Variants in PRKN observed in about 807,000 individuals in gnomAD.
PRKN encodes the protein parkin RBR E3 ubiquitin protein ligase.
In PRKN, 56 loss-of-function variants were observed where a neutral mutation model predicts 59.5. That is an observed-to-expected ratio of 0.94 (90% CI 0.76 to 1.18). The LOEUF is 1.18. Ranked by LOEUF, PRKN falls within the 50% of genes most tolerant of loss-of-function variation. The probability of loss-of-function intolerance (pLI) is 0.00; values close to 1 mark genes in which losing one functional copy is unlikely to be tolerated. For synonymous variants in PRKN, 250 were observed against 222.1 expected, an observed-to-expected ratio of 1.13 and a Z score of -1.12; for missense variants, 657 against 596.4, an observed-to-expected ratio of 1.10 and a Z score of -1.06.
intron 5 of PRKN, among the ~76,000 whole-genome samples, chr6:161,999,852 A>C: frequency 6.6e-6 from 1 of 152,132 alleles, no homozygotes; most frequent in Non-Finnish European, 1.5e-5. Flanking sequence ...AATAATAGCA[A>C]TAACAATAAT....
At chr6:162,442,009 G>GA (rs5881476) in intron 2 of PRKN, among the ~76,000 whole-genome samples, 67,169 of 147,394 alleles carry the variant, frequency 0.46, 15,205 homozygotes, top group East Asian at 0.59. Flanking sequence ...GACTGAAATA[G>GA]AAAAAAAAAA....
intron 7 of PRKN, among the ~76,000 whole-genome samples, chr6:161,747,174 A>G (rs564801544): frequency 1.8e-4 from 28 of 152,296 alleles, no homozygotes; most frequent in Non-Finnish European, 3.4e-4. Context: ...TTTAAAAAAC[A>G]AGGCCCCTGT....
At chr6:162,192,338 G>A (rs1784314058) in intron 4 of PRKN, among the ~76,000 whole-genome samples, 1 of 149,688 alleles carries the variant, frequency 6.7e-6, no homozygotes, top group South Asian at 2.1e-4. Flanking sequence ...ATATGCATAT[G>A]TGAAATTAGA....
chr6:162,069,521 T>C (rs1456646240), intron 4 of PRKN, among the ~76,000 whole-genome samples: 1 of 152,186 alleles, frequency 6.6e-6, no homozygotes, highest in Non-Finnish European at 1.5e-5. Flanking sequence ...TTAGAATATG[T>C]TACACAAACA....
intron 2 of PRKN, among the ~76,000 whole-genome samples, chr6:162,339,354 C>CT (rs1784041266): frequency 1.4e-5 from 2 of 147,450 alleles, no homozygotes; most frequent in African/African-American, 5.0e-5. Flanking sequence ...GGGTCAGCCC[C>CT]CGCCCGGCCA....
chr6:161,796,168 T>A (rs1790840112), intron 6 of PRKN, among the ~76,000 whole-genome samples: 1 of 152,200 alleles, frequency 6.6e-6, no homozygotes, highest in African/African-American at 2.4e-5. Context: ...TTATTAATTT[T>A]CTCCAGATGA....
At chr6:162,713,733 A>G (rs1349742225) in intron 1 of PRKN, among the ~76,000 whole-genome samples, 1 of 152,134 alleles carries the variant, frequency 6.6e-6, no homozygotes, top group Non-Finnish European at 1.5e-5. Flanking sequence ...AGCTATACTT[A>G]TACTGTTTTG....
chr6:161,540,702 C>T (rs560109697), intron 9 of PRKN, among the ~76,000 whole-genome samples: 4 of 152,194 alleles, frequency 2.6e-5, no homozygotes, highest in Admixed American at 2.0e-4. Flanking sequence ...ACAAAATGTA[C>T]CACACAAAAG....
chr6:161,877,663 T>A (rs1794783412), intron 6 of PRKN, among the ~76,000 whole-genome samples: 1 of 151,744 alleles, frequency 6.6e-6, no homozygotes, highest in Non-Finnish European at 1.5e-5. Flanking sequence ...AGAGACAGGG[T>A]TACACCGTGT....
At chr6:162,131,159 G>A (rs1456640136) in intron 4 of PRKN, among the ~76,000 whole-genome samples, 1 of 152,052 alleles carries the variant, frequency 6.6e-6, no homozygotes, top group Admixed American at 6.6e-5. Flanking sequence ...TGCAGATTCA[G>A]CTTAATAATG....
At chr6:162,712,602 T>G (rs1327492489) in intron 1 of PRKN, among the ~76,000 whole-genome samples, 1 of 152,138 alleles carries the variant, frequency 6.6e-6, no homozygotes, top group Non-Finnish European at 1.5e-5. Flanking sequence ...CTTTTGCCAG[T>G]CTCCATGATA....
chr6:161,932,150 C>G (rs567168140), intron 6 of PRKN, among the ~76,000 whole-genome samples: 1 of 151,876 alleles, frequency 6.6e-6, no homozygotes, highest in South Asian at 2.1e-4. Flanking sequence ...AAAAAAATCT[C>G]AGTTAACATA....
intron 2 of PRKN, among the ~76,000 whole-genome samples, chr6:162,395,135 C>T (rs182847653): frequency 3.2e-4 from 49 of 152,284 alleles, no homozygotes; most frequent in Admixed American, 3.3e-4. Context: ...AGAAGTTACT[C>T]TGGGATAACT....
rs966452458 is a variant in PRKN at position 161,473,941 on chromosome 6, C to A, written c.1083+74913G>T. 2.6e-5 allele frequency among the ~76,000 whole-genome samples: 4 copies of A among 152,074 alleles called. No individual in the cohort carries two copies. The highest frequency in any genetic ancestry group is 3.4e-3 in the Middle Eastern group (1 of 294). On this transcript the variant is annotated intron_variant, in intron 9 of 11. Transcript: ENST00000366898. This position sits in a 1 kb window ranked among gnomAD's most constrained non-coding sequence, Gnocchi z 4.1. The stretch of plus-strand genomic sequence containing the variant: ...GGCATGACTTGTGTATGTAGACTAG[C>A]GGGTTTTCTAATATCAAATTTTATG...
At chr6:162,191,342 T>C (rs1291088940) in intron 4 of PRKN, among the ~76,000 whole-genome samples, 1 of 152,224 alleles carries the variant, frequency 6.6e-6, no homozygotes, top group African/African-American at 2.4e-5. Flanking sequence ...CATGCTTCGT[T>C]ACTATCACTG....
At chr6:161,962,675 T>A (rs1321286853) in intron 6 of PRKN, among the ~76,000 whole-genome samples, 1 of 151,976 alleles carries the variant, frequency 6.6e-6, no homozygotes, top group Non-Finnish European at 1.5e-5. Flanking sequence ...TAGCTGGGAT[T>A]ACAGGTGCAC....
chr6:161,814,541 T>C (rs111614766), intron 6 of PRKN, among the ~76,000 whole-genome samples: 4 of 152,264 alleles, frequency 2.6e-5, no homozygotes, highest in African/African-American at 9.6e-5. Flanking sequence ...TCACTCTTGT[T>C]GCCCAGGCTG....
Position 161,352,321 on chromosome 6 carries a change from TCTC to T in PRKN, c.1286-2113_1286-2111del, listed in dbSNP as rs914114412. On this transcript the variant is annotated intron_variant, in intron 11 of 11. Transcript: ENST00000366898. This position sits in a 1 kb window ranked among gnomAD's most constrained non-coding sequence, Gnocchi z 5.8. ...TAAGATAACTTGCCGACATGCAAAA[TCTC>T]CTGTTTTCCTAATCCTTTCTGGCTT... Among the ~76,000 whole-genome samples the T allele has an allele frequency of 1.3e-5, 2 of 152,106 alleles. No homozygotes were observed. Among genetic ancestry groups the T allele is most frequent in the Non-Finnish European group, 2.9e-5 (2 of 68,014 alleles).
intron 4 of PRKN, among the ~76,000 whole-genome samples, chr6:162,162,869 G>A (rs985537139): frequency 1.4e-5 from 2 of 148,138 alleles, no homozygotes; most frequent in Admixed American, 6.7e-5. Context: ...TCAGTGGGGC[G>A]TGATGGTGGG....
Sources: gnomAD v4.1 joint callset for allele counts (sites outside exome capture counted in the v4.1 genomes callset) on GRCh38, gnomAD v4.1.1 for gene constraint, Gnocchi (gnomAD v3.1) non-coding constraint, MANE v1.5 for transcripts, NCBI Gene and HGNC (gene_info 2026-07-23, HGNC 2026-07-21) for gene names.